UBE2E2: variants seen among roughly 807,000 people sequenced by gnomAD.
UBE2E2 encodes ubiquitin-conjugating enzyme E2 E2.
In UBE2E2, 6 loss-of-function variants were observed where a neutral mutation model predicts 24.7. The ratio of observed to expected loss-of-function variants is 0.24; its 90% CI spans 0.13 to 0.48. The LOEUF is 0.48. Among genes scored for constraint, UBE2E2 ranks in the 20% least tolerant of loss-of-function variants. UBE2E2 has a pLI of 0.99. For missense variants in UBE2E2, 169 were observed against 245.0 expected (o/e 0.69, Z 2.07); for synonymous variants, 104 against 83.6 (o/e 1.24, Z -1.33).
At chr3:23,363,536 TC>T (rs1696180328) in intron 3 of UBE2E2, among the ~76,000 whole-genome samples, 1 of 152,012 alleles carries the variant, frequency 6.6e-6, no homozygotes, top group Non-Finnish European at 1.5e-5. Context: ...CCACCAATGA[TC>T]AGAAAACACA....
chr3:23,361,391 T>C (rs963848102), intron 3 of UBE2E2, among the ~76,000 whole-genome samples: 3 of 152,186 alleles, frequency 2.0e-5, no homozygotes, highest in Non-Finnish European at 4.4e-5. Context: ...ATGTTTATAG[T>C]AGCACAGTTT....
At chr3:23,251,182 C>T (rs1444929850) in intron 3 of UBE2E2, among the ~76,000 whole-genome samples, 2 of 152,154 alleles carry the variant, frequency 1.3e-5, no homozygotes, top group African/African-American at 4.8e-5. Context: ...GTATCAGCTT[C>T]AGGGAGCTGA....
At chr3:23,444,066 T>TC (rs67876569) in intron 3 of UBE2E2, among the ~76,000 whole-genome samples, 1 of 94,144 alleles carries the variant, frequency 1.1e-5, no homozygotes, top group East Asian at 3.5e-4. Context: ...ACCAGTTTTG[T>TC]TTTTTTTTTT....
intron 3 of UBE2E2, among the ~76,000 whole-genome samples, chr3:23,392,985 A>C (rs1423422328): frequency 1.3e-5 from 2 of 152,188 alleles, no homozygotes; most frequent in Non-Finnish European, 2.9e-5. Context: ...ATGCGGCAGA[A>C]GTGGCGATGG....
At chr3:23,348,964 C>A (rs1307601416) in intron 3 of UBE2E2, among the ~76,000 whole-genome samples, 3 of 152,114 alleles carry the variant, frequency 2.0e-5, no homozygotes, top group Non-Finnish European at 4.4e-5. Context: ...GAGAAAGCAA[C>A]CAAGAGTTTT....
intron 3 of UBE2E2, among the ~76,000 whole-genome samples, chr3:23,309,374 C>T (rs573511488): frequency 6.6e-6 from 1 of 152,324 alleles, no homozygotes; most frequent in East Asian, 1.9e-4. Context: ...GTTACAATAG[C>T]TTAGGTGCTA....
chr3:23,317,369 A>C, intron 3 of UBE2E2, among the ~76,000 whole-genome samples: 1 of 152,166 alleles, frequency 6.6e-6, no homozygotes, highest in East Asian at 1.9e-4. Flanking sequence ...ACAGGGCATC[A>C]GTGAGTTCCA....
At chr3:23,278,697 G>A (rs932519377) in intron 3 of UBE2E2, among the ~76,000 whole-genome samples, 4 of 152,016 alleles carry the variant, frequency 2.6e-5, no homozygotes, top group Non-Finnish European at 5.9e-5. Context: ...AACGTATTGA[G>A]CAATCATGTA....
rs115193162 is a variant in UBE2E2, at chr3:23,430,858, C to T, written c.228-68750C>T. Among the ~76,000 whole-genome samples, 295 of 152,258 alleles carry T rather than the reference C, an allele frequency of 1.9e-3. 1 individual carries two copies. The highest frequency in any genetic ancestry group is 3.1e-3 in the Non-Finnish European group (210 of 68,006). ...TTTTTAGGCAATAGTTGACAAGTTT[C>T]TGTATACATAAGAATCAAATACAGA... On this transcript the variant is annotated intron_variant, in intron 3 of 5. Transcript: ENST00000396703.
chr3:23,476,022 G>A (rs1468219612), intron 3 of UBE2E2, among the ~76,000 whole-genome samples: 1 of 152,058 alleles, frequency 6.6e-6, no homozygotes, highest in Non-Finnish European at 1.5e-5. Flanking sequence ...TTTTGTCTAA[G>A]CATCTGTCCA....
At position 23,530,024 on chromosome 3, in the gene UBE2E2, G is replaced by A. The variant is rs78469147; in HGVS notation, c.361-2530G>A. On this transcript the variant is annotated intron_variant, in intron 4 of 5. Transcript: ENST00000396703. The stretch of plus-strand genomic sequence containing the variant: ...TTGTCATTCAGCAATAATAGTAACT[G>A]ATTTTTTTCTTTGATCCAAGAATTA... Among the ~76,000 whole-genome samples the A allele has an allele frequency of 3.1e-3, 468 of 152,208 alleles. 1 individual carries two copies. The highest frequency in any genetic ancestry group is 0.011 in the African/African-American group (455 of 41,538).
chr3:23,458,710 C>T (rs1698738704), intron 3 of UBE2E2, among the ~76,000 whole-genome samples: 3 of 152,040 alleles, frequency 2.0e-5, no homozygotes, highest in Non-Finnish European at 1.5e-5. Flanking sequence ...AGCCACCGCG[C>T]CTGGCCAGAG....
intron 5 of UBE2E2, among the ~76,000 whole-genome samples, chr3:23,555,455 A>G (rs956485912): frequency 2.6e-5 from 4 of 152,174 alleles, no homozygotes; most frequent in Non-Finnish European, 4.4e-5. Flanking sequence ...CCTGAGGGAA[A>G]ACAGTATGGA....
chr3:23,203,512 C>G (rs1361012576), intron 1 of UBE2E2, 48 bp downstream of exon 1: 7 of 970,492 alleles, frequency 7.2e-6, no homozygotes, highest in Non-Finnish European at 8.6e-6. Context: ...GGCGTCCTCC[C>G]TCTCGCTGAC....
intron 5 of UBE2E2, among the ~76,000 whole-genome samples, chr3:23,546,496 G>C (rs1380583079): frequency 1.1e-5 from 1 of 92,962 alleles, no homozygotes; most frequent in South Asian, 3.2e-4. Context: ...TTTTGGATTC[G>C]GAGTTTTACT....
intron 3 of UBE2E2, among the ~76,000 whole-genome samples, chr3:23,316,243 C>T (rs1477058594): frequency 6.6e-6 from 1 of 152,106 alleles, no homozygotes; most frequent in African/African-American, 2.4e-5. Flanking sequence ...AAGTGCCATC[C>T]AAGAGCGAGG....
intron 3 of UBE2E2, among the ~76,000 whole-genome samples, chr3:23,225,075 G>T (rs1696781566): frequency 6.6e-6 from 1 of 151,310 alleles, no homozygotes; most frequent in Admixed American, 6.6e-5. Flanking sequence ...TGTGCTTATT[G>T]TCCATTTGTT....
chr3:23,275,182 T>C (rs558475016), intron 3 of UBE2E2, among the ~76,000 whole-genome samples: 1 of 152,348 alleles, frequency 6.6e-6, no homozygotes, highest in South Asian at 2.1e-4. Flanking sequence ...TGGGAAAGGC[T>C]GTGAAAGAGA....
At chr3:23,366,530 G>A (rs921925032) in intron 3 of UBE2E2, among the ~76,000 whole-genome samples, 1 of 152,102 alleles carries the variant, frequency 6.6e-6, no homozygotes, top group Non-Finnish European at 1.5e-5. Flanking sequence ...AAGCCATGAT[G>A]CCCCATGTTC....
Sources: allele counts gnomAD v4.1 joint callset (sites outside exome capture counted in the v4.1 genomes callset), GRCh38; gene constraint gnomAD v4.1.1; transcripts MANE v1.5; gene names NCBI Gene and HGNC (gene_info 2026-07-23, HGNC 2026-07-21).